Variants in PLA2G5 observed in about 807,000 individuals in gnomAD.
PLA2G5 encodes Ca2+-dependent phospholipase A2.
A neutral mutation model predicts 15.9 loss-of-function variants in PLA2G5; 12 were observed. The ratio of observed to expected loss-of-function variants is 0.76; its 90% CI spans 0.48 to 1.23. The LOEUF is 1.23. Among genes scored for constraint, PLA2G5 ranks in the 50% most tolerant of loss-of-function variants. The probability of loss-of-function intolerance (pLI) is 0.00; values close to 1 mark genes in which losing one functional copy is unlikely to be tolerated. For synonymous variants in PLA2G5, 71 were observed against 71.4 expected (o/e 0.99, Z 0.03); for missense variants, 169 against 177.1 (o/e 0.95, Z 0.26).
chr1:20,078,430 G>T (rs192908507), intron 1 of PLA2G5, among the ~76,000 whole-genome samples: 2 of 152,174 alleles, frequency 1.3e-5, no homozygotes, highest in African/African-American at 4.8e-5. Flanking sequence ...GTTCGTAGGT[G>T]GGGGAAGAAA....
chr1:20,068,615 C>A (rs991082773), upstream of PLA2G5, among the ~76,000 whole-genome samples: 2 of 151,912 alleles, frequency 1.3e-5, no homozygotes, highest in African/African-American at 4.8e-5. Flanking sequence ...CCATGCCTGG[C>A]TAATTTTATA....
intron 1 of PLA2G5, among the ~76,000 whole-genome samples, chr1:20,040,540 A>G (rs1334248031): frequency 6.6e-6 from 1 of 151,660 alleles, no homozygotes; most frequent in Non-Finnish European, 1.5e-5. Flanking sequence ...AAGAGTGCTC[A>G]TTGCTAGTGG....
intron 1 of PLA2G5, among the ~76,000 whole-genome samples, chr1:20,038,968 C>A (rs1422211469): frequency 6.6e-6 from 1 of 152,096 alleles, no homozygotes; most frequent in Non-Finnish European, 1.5e-5. Context: ...TCAGATCTGA[C>A]ATTGTCTACA....
intron 1 of PLA2G5, among the ~76,000 whole-genome samples, chr1:20,082,613 C>A (rs1318848446): frequency 6.6e-6 from 1 of 151,802 alleles, no homozygotes; most frequent in African/African-American, 2.4e-5. Flanking sequence ...ATTTCCTGCC[C>A]ATCACCTGAT....
At chr1:20,082,309 C>G (rs957845060) in intron 1 of PLA2G5, among the ~76,000 whole-genome samples, 1 of 151,832 alleles carries the variant, frequency 6.6e-6, no homozygotes, top group Non-Finnish European at 1.5e-5. Context: ...GCTGTCCGCA[C>G]GCTCAGTGAC....
At chr1:20,038,952 T>C (rs911483643) in intron 1 of PLA2G5, among the ~76,000 whole-genome samples, 5 of 152,150 alleles carry the variant, frequency 3.3e-5, no homozygotes, top group Non-Finnish European at 7.4e-5. Context: ...GGTATTCCTC[T>C]TGGCATCAGA....
rs1476345544 is a variant in PLA2G5, at chr1:20,091,821, A to G, written c.*1129A>G. Among the ~76,000 whole-genome samples the G allele has an allele frequency of 1.3e-5, 2 of 152,204 alleles. No homozygotes were observed. Among genetic ancestry groups the G allele is most frequent in the East Asian group, 3.8e-4 (2 of 5,200 alleles). On this transcript the variant is annotated 3_prime_UTR_variant, in exon 5 of 5. Coordinates refer to ENST00000375108, the MANE Select transcript of PLA2G5 (RefSeq NM_000929.3). ...GGCTTCTTTATTCCGACATACCCCAAAATAACTGCATGATAAATAGGTCTA... is the reference window on the plus strand; with the variant it reads ...GGCTTCTTTATTCCGACATACCCCAGAATAACTGCATGATAAATAGGTCTA...
chr1:20,081,345 C>A (rs1469241725), intron 1 of PLA2G5, among the ~76,000 whole-genome samples: 1 of 151,872 alleles, frequency 6.6e-6, no homozygotes, highest in Non-Finnish European at 1.5e-5. Context: ...TTTACTCTTT[C>A]CAGGGTGTGG....
chr1:20,076,744 G>T (rs890503772), intron 1 of PLA2G5: 5 of 152,222 alleles, frequency 3.3e-5, no homozygotes, highest in Non-Finnish European at 5.9e-5. Flanking sequence ...CATCAGCCTT[G>T]TAATCCCCTC....
At chr1:20,029,802 G>T (rs1296347144) in intron 1 of PLA2G5, among the ~76,000 whole-genome samples, 1 of 152,180 alleles carries the variant, frequency 6.6e-6, no homozygotes, top group East Asian at 1.9e-4. Flanking sequence ...TGAATAGTTT[G>T]GTTGTTAGGC....
At chr1:20,068,452 T>G (rs200053866), upstream of PLA2G5, among the ~76,000 whole-genome samples, 1 of 117,614 alleles carries the variant, frequency 8.5e-6, no homozygotes, top group Non-Finnish European at 1.8e-5. Context: ...AAAGTGGTAG[T>G]TTTTTTTTTT....
At chr1:20,031,310 T>G (rs818675) in intron 1 of PLA2G5, among the ~76,000 whole-genome samples, 73,899 of 151,856 alleles carry the variant, frequency 0.49, 18,479 homozygotes, top group Non-Finnish European at 0.56. Flanking sequence ...AAAGAGGGGA[T>G]CGTGACTGAT....
intron 1 of PLA2G5, among the ~76,000 whole-genome samples, chr1:20,046,296 A>G (rs534560047): frequency 6.6e-6 from 1 of 152,282 alleles, no homozygotes; most frequent in African/African-American, 2.4e-5. Flanking sequence ...GACCAACTCT[A>G]CCTGACTTGG....
chr1:20,035,167 G>A lies in PLA2G5; in HGVS notation n.276+6458G>A, dbSNP rs2100292822. Among the ~76,000 whole-genome samples, 3 of 151,990 alleles carry A rather than the reference G, an allele frequency of 2.0e-5. No individual in the cohort carries two copies. In the East Asian group the frequency reaches 5.8e-4, roughly 30 times the overall value. On this transcript the variant is annotated intron_variant and non_coding_transcript_variant, in intron 1 of 6. Transcript: ENST00000460175. ...AAGGTACAGAAAGAGAGGGAGAGAGGGCAGCTTAACAGCAAATCCAGGCTT... is the reference window on the plus strand; with the variant it reads ...AAGGTACAGAAAGAGAGGGAGAGAGAGCAGCTTAACAGCAAATCCAGGCTT...
intron 1 of PLA2G5, among the ~76,000 whole-genome samples, chr1:20,082,126 A>G (rs979939463): frequency 3.9e-5 from 6 of 151,954 alleles, no homozygotes; most frequent in Admixed American, 2.6e-4. Context: ...CTTATTAAAA[A>G]GCTTTAGAGC....
intron 1 of PLA2G5, among the ~76,000 whole-genome samples, chr1:20,056,924 C>T (rs960208706): frequency 6.6e-6 from 1 of 152,072 alleles, no homozygotes; most frequent in African/African-American, 2.4e-5. Flanking sequence ...TGATCTATTT[C>T]TTCTTATGTG....
At chr1:20,069,225 A>C (rs1330775738), upstream of PLA2G5, among the ~76,000 whole-genome samples, 1 of 152,344 alleles carries the variant, frequency 6.6e-6, no homozygotes, top group Non-Finnish European at 1.5e-5. Context: ...GGTAACGTTG[A>C]AAATGTGCAT....
At chr1:20,051,405 G>T (rs910990595) in intron 1 of PLA2G5, among the ~76,000 whole-genome samples, 8 of 152,188 alleles carry the variant, frequency 5.3e-5, no homozygotes, top group African/African-American at 1.9e-4. Flanking sequence ...ACTAATAGAA[G>T]ACTGAAGTAA....
chr1:20,049,375 G>T (rs1295438236), intron 1 of PLA2G5, among the ~76,000 whole-genome samples: 1 of 152,090 alleles, frequency 6.6e-6, no homozygotes, highest in Non-Finnish European at 1.5e-5. Context: ...TAAATAATTG[G>T]TTAGAACAAT....
Sources: allele counts gnomAD v4.1 joint callset (sites outside exome capture counted in the v4.1 genomes callset), GRCh38; gene constraint gnomAD v4.1.1; transcripts MANE v1.5; gene names NCBI Gene and HGNC (gene_info 2026-07-23, HGNC 2026-07-21).